Variants in VAMP7 observed in about 807,000 individuals in gnomAD.
VAMP7 encodes the protein vesicle-associated membrane protein 7.
In VAMP7, 14 loss-of-function variants were observed where a neutral mutation model predicts 29.6. The ratio of observed to expected loss-of-function variants is 0.47; its 90% confidence interval spans 0.31 to 0.74. The LOEUF (loss-of-function observed/expected upper bound fraction) is 0.74, where lower values mean the gene tolerates loss of function less well. Ranked by LOEUF, VAMP7 falls within the 30% of genes least tolerant of loss-of-function variation. VAMP7 has a pLI of 0.05. For synonymous variants in VAMP7, 95 were observed against 88.1 expected (o/e 1.08, Z -0.44); for missense variants, 223 against 262.4 (o/e 0.85, Z 1.04).
At chrX:155,938,750 A>G (rs2066699367) in intron 6 of VAMP7, among the ~76,000 whole-genome samples, 1 of 152,156 alleles carries the variant, frequency 6.6e-6, no homozygotes, top group African/African-American at 2.4e-5. Flanking sequence ...CAGGAGGTCA[A>G]AGCTGCAGTG....
At position 155,907,928 on chromosome X, in the gene VAMP7, G is replaced by A. The variant is rs771375059; in HGVS notation, c.433+7341G>A. ...CTCCTCACCTCCCAGAAGGGGCGGC[G>A]GGGCAGAGGCGCTCCCCACATCTCA... On this transcript the variant is annotated intron_variant, in intron 5 of 7. Transcript: ENST00000286448. Among the ~76,000 whole-genome samples the A allele has an allele frequency of 9.2e-5, 14 of 151,752 alleles. No homozygotes were observed. The South Asian group carries it at 1.7e-3, about 18-fold the overall frequency.
At chrX:155,883,328 C>G (rs751587263) in intron 1 of VAMP7, among the ~76,000 whole-genome samples, 153 of 152,254 alleles carry the variant, frequency 1.0e-3, no homozygotes, top group African/African-American at 3.5e-3. Context: ...CTTTACCTTG[C>G]TCTCAGTGCC....
chrX:155,896,022 C>T (rs1162030709), intron 3 of VAMP7, among the ~76,000 whole-genome samples: 1 of 152,184 alleles, frequency 6.6e-6, no homozygotes, highest in Admixed American at 6.5e-5. Context: ...TCACCCTCCC[C>T]CAGTCCTTGG....
Position 155,934,309 on chromosome X carries a change from C to T in VAMP7, c.502-5392C>T, listed in dbSNP as rs775323185. Among the ~76,000 whole-genome samples the T allele has an allele frequency of 2.0e-5, 3 of 152,240 alleles. No homozygotes were observed. The East Asian group carries it at 5.8e-4, about 29-fold the overall frequency. On this transcript the variant is annotated intron_variant, in intron 6 of 7. Transcript: ENST00000286448. ...AATGTTGACAGTGGGGTGTTAAAGTCTCCCTTTATTATTGTATGGGAGTCT... is the reference window on the plus strand; with the variant it reads ...AATGTTGACAGTGGGGTGTTAAAGTTTCCCTTTATTATTGTATGGGAGTCT...
At chrX:155,881,577 C>T (rs1164922639) in intron 1 of VAMP7, 129 bp downstream of exon 1, 2 of 152,402 alleles carry the variant, frequency 1.3e-5, no homozygotes, top group African/African-American at 4.8e-5. Context: ...TCTCTGGTGT[C>T]GACAGTTCCA....
At chrX:155,920,862 G>A (rs976285238) in intron 6 of VAMP7, among the ~76,000 whole-genome samples, 9 of 152,122 alleles carry the variant, frequency 5.9e-5, no homozygotes, top group African/African-American at 1.9e-4. Context: ...ATTAGCAGCA[G>A]GTTTTAGTAT....
chrX:155,939,641 T>C (rs2066713928), intron 6 of VAMP7, 60 bp from the exon 7 acceptor site: 2 of 1,183,488 alleles, frequency 1.7e-6, no homozygotes, highest in Non-Finnish European at 2.5e-6. Context: ...CTCAGGTTGT[T>C]ACTGCAAATC....
intron 5 of VAMP7, among the ~76,000 whole-genome samples, chrX:155,902,447 A>G (rs1362971554): frequency 1.4e-5 from 2 of 148,062 alleles, no homozygotes; most frequent in Non-Finnish European, 3.0e-5. Context: ...GTCTTGTGCC[A>G]GTTTTCAAAG....
chrX:155,897,374 T>G (rs1429997096), intron 3 of VAMP7, among the ~76,000 whole-genome samples: 1 of 152,098 alleles, frequency 6.6e-6, no homozygotes, highest in Non-Finnish European at 1.5e-5. Context: ...TCACAATGAT[T>G]TTTATCTCTG....
chrX:155,931,672 C>G (rs1228114399), intron 6 of VAMP7, among the ~76,000 whole-genome samples: 1 of 152,140 alleles, frequency 6.6e-6, no homozygotes, highest in Admixed American at 6.5e-5. Flanking sequence ...TGCCTGTTCA[C>G]TCTGATGGTA....
chrX:155,933,000 T>C (rs2066587247), intron 6 of VAMP7, among the ~76,000 whole-genome samples: 1 of 152,200 alleles, frequency 6.6e-6, no homozygotes, highest in Non-Finnish European at 1.5e-5. Context: ...TATGCTGGAT[T>C]ACATTTATTG....
intron 2 of VAMP7, among the ~76,000 whole-genome samples, chrX:155,890,444 T>TC (rs1374259478): frequency 6.6e-6 from 1 of 152,130 alleles, no homozygotes; most frequent in African/African-American, 2.4e-5. Flanking sequence ...CACTGCAACC[T>TC]CCATCTCCCA....
chrX:155,918,294 G>C (rs1226123809), intron 5 of VAMP7, among the ~76,000 whole-genome samples: 1 of 151,884 alleles, frequency 6.6e-6, no homozygotes, highest in Admixed American at 6.6e-5. Context: ...CCTGGCTTCA[G>C]CCCCTTTCCA....
intron 6 of VAMP7, among the ~76,000 whole-genome samples, chrX:155,922,386 A>G (rs187006946): frequency 6.6e-6 from 1 of 152,162 alleles, no homozygotes; most frequent in East Asian, 1.9e-4. Flanking sequence ...TTTTGTAGGT[A>G]CCCTTTAATA....
chrX:155,906,260 G>T (rs1243219562), intron 5 of VAMP7, among the ~76,000 whole-genome samples: 1 of 152,052 alleles, frequency 6.6e-6, no homozygotes, highest in African/African-American at 2.4e-5. Flanking sequence ...CCCTATATTT[G>T]TTATATAAGT....
At chrX:155,926,227 TTCTC>T (rs1473120897) in intron 6 of VAMP7, among the ~76,000 whole-genome samples, 2 of 152,216 alleles carry the variant, frequency 1.3e-5, no homozygotes, top group Middle Eastern at 3.2e-3. Context: ...AGTCATTGGC[TTCTC>T]TCTATGAAAG....
chrX:155,935,037 C>CT, intron 6 of VAMP7, among the ~76,000 whole-genome samples: 1 of 152,330 alleles, frequency 6.6e-6, no homozygotes, highest in South Asian at 2.1e-4. Context: ...CCCCCACTCT[C>CT]TTCTGGCTTG....
chrX:155,919,519 C>G (rs968075214), intron 5 of VAMP7, among the ~76,000 whole-genome samples: 8 of 152,112 alleles, frequency 5.3e-5, no homozygotes, highest in African/African-American at 1.9e-4. Flanking sequence ...TGGGTACATT[C>G]AGTAGTGTAG....
intron 1 of VAMP7, among the ~76,000 whole-genome samples, chrX:155,886,661 G>T (rs1421472785): frequency 6.6e-6 from 1 of 151,962 alleles, no homozygotes; most frequent in African/African-American, 2.4e-5. Context: ...CACCCATATT[G>T]TATTGCCTCC....
Sources: allele counts gnomAD v4.1 joint callset (sites outside exome capture counted in the v4.1 genomes callset), GRCh38; gene constraint gnomAD v4.1.1; transcripts MANE v1.5; gene names NCBI Gene and HGNC (gene_info 2026-07-23, HGNC 2026-07-21).